LTV1: variants seen among roughly 807,000 people sequenced by gnomAD.
The protein encoded by LTV1 is LTV1 ribosome biogenesis factor, also known as protein LTV1 homolog.
A neutral mutation model predicts 59.9 loss-of-function variants in LTV1; 39 were observed. The observed-to-expected ratio is 0.65, with a 90% confidence interval of 0.50 to 0.85. The LOEUF is 0.85. Ranked by LOEUF, LTV1 falls within the 40% of genes least tolerant of loss-of-function variation. The pLI is 0.00. For missense variants in LTV1, 493 were observed against 549.1 expected (o/e 0.90, Z 1.02); for synonymous variants, 171 against 189.5 (o/e 0.90, Z 0.80).
Position 143,862,988 on chromosome 6 carries a change from A to T in LTV1, c.1116+92A>T. ...ACAATAACTTTTTATCTTTATGGCTAGAGTGATATTAGAAAAAGCATCAAC... is the reference window on the plus strand; with the variant it reads ...ACAATAACTTTTTATCTTTATGGCTTGAGTGATATTAGAAAAAGCATCAAC... On this transcript the variant is annotated intron_variant, in intron 9 of 10. Coordinates refer to ENST00000367576, the MANE Select transcript of LTV1 (RefSeq NM_032860.5). The surrounding 1 kb of genome is among the most constrained non-coding windows in gnomAD (Gnocchi z 4.2). 1 of 1,439,668 alleles carries T rather than the reference A, an allele frequency of 6.9e-7. No homozygotes were observed. Among genetic ancestry groups the T allele is most frequent in the Non-Finnish European group, 9.8e-7 (1 of 1,023,854 alleles). 89.2% of individuals were successfully genotyped at this position (1,439,668 alleles called of 1,614,324 possible).
Position 143,863,115 on chromosome 6 carries a change from A to G in LTV1, c.1146A>G (p.Thr382=). The G allele has an allele frequency of 6.2e-7, 1 of 1,613,950 alleles. No individual in the cohort carries two copies. The highest frequency in any genetic ancestry group is 8.5e-7 in the Non-Finnish European group (1 of 1,179,888). ...KPKQIRISSK[T]GIPLNVLPKK... ...AACAAATTCGAATATCTTCTAAAAC[A>G]GGAATACCTCTCAATGTCTTACCAA... The change falls in exon 10 of 11, where the codon ACA becomes ACG. Residue 382 remains threonine (T), a synonymous_variant. Coordinates refer to ENST00000367576, the MANE Select transcript of LTV1 (RefSeq NM_032860.5). This position sits in a 1 kb window ranked among gnomAD's most constrained non-coding sequence, Gnocchi z 4.5.
chr6:143,850,700 G>A (rs1301211499), intron 4 of LTV1, among the ~76,000 whole-genome samples: 1 of 152,126 alleles, frequency 6.6e-6, no homozygotes, highest in Non-Finnish European at 1.5e-5. Flanking sequence ...CTACAGAAGT[G>A]GTGTTGGTAT....
chr6:143,860,336 G>A, intron 6 of LTV1, 90 bp from the exon 7 acceptor site: 1 of 1,082,212 alleles, frequency 9.2e-7, no homozygotes. Flanking sequence ...TATTGTGTAA[G>A]AATAAAGTTA....
In LTV1 at chr6:143,845,941, T is replaced by C. The variant is rs889702602; in HGVS notation, c.136-110T>C. On this transcript the variant is annotated intron_variant, in intron 2 of 10. Transcript: ENST00000367576. ...TGTTCATGTGCCATCTGCCTCCTAC[T>C]TGGAAAGCTGTACTCATTGTAATAT... 3.1e-6 allele frequency: 3 copies of C among 978,218 alleles called. No individual in the cohort carries two copies. In the African/African-American group the frequency reaches 5.0e-5, roughly 16 times the overall value. 60.6% of individuals were successfully genotyped at this position (978,218 alleles called of 1,614,324 possible).
At chr6:143,854,252 ATT>A (rs1777038459) in intron 4 of LTV1, among the ~76,000 whole-genome samples, 2 of 152,186 alleles carry the variant, frequency 1.3e-5, no homozygotes, top group African/African-American at 4.8e-5. Context: ...TGTTTATAGT[ATT>A]CTCTGATGGT....
Position 143,857,100 on chromosome 6 carries a change from G to T in LTV1, c.398-203G>T, listed in dbSNP as rs1370659299. Among the ~76,000 whole-genome samples the T allele has an allele frequency of 6.6e-6, 1 of 152,146 alleles. No homozygotes were observed. Among genetic ancestry groups the T allele is most frequent in the Non-Finnish European group, 1.5e-5 (1 of 68,012 alleles). ...AGTTTTATTTATAAGGTCCTGACTG[G>T]GGCTGAGGCAGCATTTTGTTTCCTT... On this transcript the variant is annotated intron_variant, in intron 4 of 10. Transcript: ENST00000367576. The surrounding 1 kb of genome is among the most constrained non-coding windows in gnomAD (Gnocchi z 5.2).
Position 143,855,626 on chromosome 6 carries a change from A to G in LTV1, c.398-1677A>G, listed in dbSNP as rs1462655258. 6.6e-6 allele frequency among the ~76,000 whole-genome samples: 1 copy of G among 152,190 alleles called. No homozygotes were observed. The highest frequency in any genetic ancestry group is 1.5e-5 in the Non-Finnish European group (1 of 68,036). On this transcript the variant is annotated intron_variant, in intron 4 of 10. Coordinates refer to ENST00000367576, the MANE Select transcript of LTV1 (RefSeq NM_032860.5). This position sits in a 1 kb window ranked among gnomAD's most constrained non-coding sequence, Gnocchi z 4.6. Reference sequence around the variant, plus strand: ...TAGTGCTTCCTTCAGGAGCTCTTGTAAGGCAGGCCTGGTGGTGACAAAATC... The same window carrying G: ...TAGTGCTTCCTTCAGGAGCTCTTGTGAGGCAGGCCTGGTGGTGACAAAATC...
chr6:143,857,655 C>T lies in LTV1; in HGVS notation c.540-97C>T, dbSNP rs551896683. ...TCACTCTTCCTGCCTAGACAAGAAC[C>T]CTTCCTGAAATACCTTCCAATTTTA... On this transcript the variant is annotated intron_variant, in intron 5 of 10. Transcript: ENST00000367576. The surrounding 1 kb of genome is among the most constrained non-coding windows in gnomAD (Gnocchi z 5.2). The T allele has an allele frequency of 3.0e-4, 409 of 1,379,756 alleles. 4 individuals are homozygous for T. The South Asian group carries it at 4.9e-3, about 17-fold the overall frequency. 85.5% of individuals were successfully genotyped at this position (1,379,756 alleles called of 1,614,324 possible).
At chr6:143,843,544 C>T (rs1776837317) in intron 1 of LTV1, 64 bp downstream of exon 1, 1 of 1,606,028 alleles carries the variant, frequency 6.2e-7, no homozygotes, top group Non-Finnish European at 8.5e-7. Context: ...AGGCTGCTTC[C>T]GGTAATACCT....
At position 143,862,876 on chromosome 6, in the gene LTV1, C is replaced by G. The variant is rs763866883; in HGVS notation, c.1096C>G (p.Leu366Val). The G allele has an allele frequency of 6.3e-7, 1 of 1,595,714 alleles. No individual in the cohort carries two copies. Among genetic ancestry groups the G allele is most frequent in the Non-Finnish European group, 8.6e-7 (1 of 1,163,364 alleles). The change falls in exon 9 of 11, where the codon CTT (leucine) becomes GTT (valine). Residue 366 changes from leucine to valine, a missense_variant. Transcript: ENST00000367576. This position sits in a 1 kb window ranked among gnomAD's most constrained non-coding sequence, Gnocchi z 4.2. ...TYSNLYNHPQ[L>V]IKYQPKPKQI... ...CTCAAATTTATATAACCATCCACAG[C>G]TTATCAAGTATCAACCAAAGGTAAG...
At chr6:143,853,050 C>T (rs1030404120) in intron 4 of LTV1, among the ~76,000 whole-genome samples, 3 of 151,788 alleles carry the variant, frequency 2.0e-5, no homozygotes, top group Admixed American at 6.6e-5. Flanking sequence ...TTGTAAATTA[C>T]TTTGGGCAGT....
At position 143,857,165 on chromosome 6, in the gene LTV1, C is replaced by A; in HGVS notation, c.398-138C>A. ...TGTTCATTCTTTATTCTTCACTAGA[C>A]TGAACTTAGTTCTTAATCGTTCTTT... On this transcript the variant is annotated intron_variant, in intron 4 of 10. Transcript: ENST00000367576. This position sits in a 1 kb window ranked among gnomAD's most constrained non-coding sequence, Gnocchi z 5.2. 9.7e-7 allele frequency: 1 copy of A among 1,035,572 alleles called. No individual in the cohort carries two copies. The highest frequency in any genetic ancestry group is 1.4e-6 in the Non-Finnish European group (1 of 703,732). 64.1% of individuals were successfully genotyped at this position (1,035,572 alleles called of 1,614,324 possible).
Position 143,857,488 on chromosome 6 carries a change from T to TA in LTV1, c.539+45dup, listed in dbSNP as rs772593725. On this transcript the variant is annotated intron_variant, in intron 5 of 10. Coordinates refer to ENST00000367576, the MANE Select transcript of LTV1 (RefSeq NM_032860.5). The surrounding 1 kb of genome is among the most constrained non-coding windows in gnomAD (Gnocchi z 5.2). ...AAAGCAGAGATGATGACCTAAGTGT[T>TA]ACTGCTTCAGTGGGATGGTAACCAT... 3.9e-6 allele frequency: 6 copies of TA among 1,531,598 alleles called. No homozygotes were observed. In the South Asian group the frequency reaches 6.8e-5, roughly 17 times the overall value. 94.9% of individuals were successfully genotyped at this position (1,531,598 alleles called of 1,614,324 possible). A position where few individuals can be genotyped will look rare whatever the true frequency, so the allele number is the denominator to read the frequency against.
At chr6:143,845,022 G>A (rs545259742) in intron 2 of LTV1, among the ~76,000 whole-genome samples, 5 of 152,084 alleles carry the variant, frequency 3.3e-5, no homozygotes, top group African/African-American at 9.7e-5. Context: ...CTACAATGCG[G>A]CATGATGTTA....
chr6:143,862,947 G>A lies in LTV1; in HGVS notation c.1116+51G>A. 1 of 1,482,040 alleles carries A rather than the reference G, an allele frequency of 6.7e-7. No individual in the cohort carries two copies. Among genetic ancestry groups the A allele is most frequent in the East Asian group, 2.3e-5 (1 of 44,134 alleles). The allele number at this position is 1,482,040 out of a possible 1,614,324, so 91.8% of individuals were successfully genotyped here. On this transcript the variant is annotated intron_variant, in intron 9 of 10. Transcript: ENST00000367576. This position sits in a 1 kb window ranked among gnomAD's most constrained non-coding sequence, Gnocchi z 4.2. ...TGAAGGATGCAGTGCATAAAAAATAGAGTGCACATTTTCGCACAATAACTT... is the reference window on the plus strand; with the variant it reads ...TGAAGGATGCAGTGCATAAAAAATAAAGTGCACATTTTCGCACAATAACTT...
At chr6:143,858,065 A>G in intron 6 of LTV1, 58 bp downstream of exon 6, 3 of 1,485,516 alleles carry the variant, frequency 2.0e-6, no homozygotes, top group Non-Finnish European at 2.8e-6. Context: ...TTTTTTTTTT[A>G]ATACCTGTCA....
chr6:143,843,629 C>T, intron 1 of LTV1, 149 bp downstream of exon 1: 1 of 962,378 alleles, frequency 1.0e-6, no homozygotes, highest in South Asian at 1.6e-5. Flanking sequence ...GCCAACGTCA[C>T]CACCGTGGGC....
In LTV1 at chr6:143,863,646, C is replaced by T. The variant is rs1777214602; in HGVS notation, c.*119C>T. ...TTTACTGGCAGATAAGAGGAAAATA[C>T]AATATTTGTATTATTTTTATACTAG... On this transcript the variant is annotated 3_prime_UTR_variant, in exon 11 of 11. Coordinates refer to ENST00000367576, the MANE Select transcript of LTV1 (RefSeq NM_032860.5). This position sits in a 1 kb window ranked among gnomAD's most constrained non-coding sequence, Gnocchi z 4.5. 1.7e-6 allele frequency: 1 copy of T among 572,452 alleles called. No individual in the cohort carries two copies. The highest frequency in any genetic ancestry group is 3.3e-5 in the South Asian group (1 of 30,726). The allele number at this position is 572,452 out of a possible 1,614,324, so 35.5% of individuals were successfully genotyped here.
chr6:143,853,229 A>G (rs777348352), intron 4 of LTV1, among the ~76,000 whole-genome samples: 3 of 152,136 alleles, frequency 2.0e-5, no homozygotes, highest in Non-Finnish European at 4.4e-5. Flanking sequence ...CTTTGTAGCA[A>G]TTGTGAATGG....
Sources: allele counts gnomAD v4.1 joint callset (sites outside exome capture counted in the v4.1 genomes callset), GRCh38; gene constraint gnomAD v4.1.1; non-coding constraint Gnocchi (gnomAD v3.1); transcripts MANE v1.5; gene names NCBI Gene and HGNC (gene_info 2026-07-23, HGNC 2026-07-21).